The following IRAG1 variants were observed in gnomAD, a reference collection of about 807,000 sequenced individuals.
IRAG1 encodes IP3R-associated cGMP kinase substrate.
In IRAG1, 62 loss-of-function variants were observed where a neutral mutation model predicts 106.2. The observed-to-expected ratio is 0.58, with a 90% CI of 0.48 to 0.72. The LOEUF is 0.72. IRAG1 is among the 30% of genes least tolerant of loss of function. IRAG1 has a pLI of 0.00. For missense variants in IRAG1, 1,064 were observed against 1,140.7 expected, an observed-to-expected ratio of 0.93 and a Z score of 0.97; for synonymous variants, 462 against 443.9, an observed-to-expected ratio of 1.04 and a Z score of -0.51.
intron 18 of IRAG1, among the ~76,000 whole-genome samples, chr11:10,588,157 T>C (rs1452799208): frequency 6.6e-6 from 1 of 152,200 alleles, no homozygotes; most frequent in Non-Finnish European, 1.5e-5. Context: ...GTAATTACCA[T>C]TGTCATCAGT....
At chr11:10,661,047 C>A (rs1487529273) in intron 1 of IRAG1, among the ~76,000 whole-genome samples, 1 of 151,934 alleles carries the variant, frequency 6.6e-6, no homozygotes, top group African/African-American at 2.4e-5. Context: ...TTGGATCATC[C>A]TTCCCCTTCA....
chr11:10,621,538 A>G (rs1259425845), intron 10 of IRAG1, among the ~76,000 whole-genome samples: 1 of 152,132 alleles, frequency 6.6e-6, no homozygotes, highest in African/African-American at 2.4e-5. Context: ...CATCTCCCCA[A>G]CACGCTGGCC....
chr11:10,616,106 C>A (rs1405068092), intron 10 of IRAG1, among the ~76,000 whole-genome samples: 1 of 151,042 alleles, frequency 6.6e-6, no homozygotes, highest in African/African-American at 2.4e-5. Flanking sequence ...GACATCGAGA[C>A]CATCCTGGCT....
chr11:10,641,291 T>C (rs1857489289), intron 2 of IRAG1, among the ~76,000 whole-genome samples: 1 of 152,242 alleles, frequency 6.6e-6, no homozygotes, highest in African/African-American at 2.4e-5. Context: ...CCTTCGGGAT[T>C]GAATTAATGA....
At chr11:10,618,176 C>T (rs1855570571) in intron 10 of IRAG1, among the ~76,000 whole-genome samples, 1 of 151,984 alleles carries the variant, frequency 6.6e-6, no homozygotes. Flanking sequence ...CTAGAAGATG[C>T]CTACATGCTT....
chr11:10,625,200 T>C (rs928256233), intron 9 of IRAG1, among the ~76,000 whole-genome samples: 6 of 152,168 alleles, frequency 3.9e-5, no homozygotes, highest in African/African-American at 1.2e-4. Context: ...CATTTCCCTC[T>C]GTAGAGGAGC....
In IRAG1 at chr11:10,609,833, G is replaced by C. The variant is rs754216331; in HGVS notation, c.1466C>G (p.Ser489Cys). Reference protein sequence around the residue: ...EQEKGLPSELSPAIEEEESKS... With the variant: ...EQEKGLPSELCPAIEEEESKS... Reference sequence around the variant, plus strand: ...TGACTCTTCTTCCTCAATAGCTGGGGAGAGTTCAGAAGGAAGCCCTGAAAA... The same window carrying C: ...TGACTCTTCTTCCTCAATAGCTGGGCAGAGTTCAGAAGGAAGCCCTGAAAA... Residue 489 changes from serine to cysteine, a missense_variant, in exon 11 of 21, where the codon TCC becomes TGC. Coordinates refer to ENST00000423302, the MANE Select transcript of IRAG1 (RefSeq NM_130385.4). The C allele has an allele frequency of 7.7e-5, 125 of 1,613,820 alleles. No individual in the cohort carries two copies. The highest frequency in any genetic ancestry group is 9.8e-5 in the Non-Finnish European group (116 of 1,179,860).
Position 10,576,349 on chromosome 11 carries a change from G to A in IRAG1, c.2722C>T (p.Gln908Ter). The A allele has an allele frequency of 6.2e-7, 1 of 1,613,876 alleles. No homozygotes were observed. Among genetic ancestry groups the A allele is most frequent in the Non-Finnish European group, 8.5e-7 (1 of 1,179,858 alleles). The change falls in exon 21 of 21, where the codon CAG becomes TAG. Residue 908 changes from glutamine (Q) to a stop codon, truncating the protein, a stop_gained. Transcript: ENST00000423302. LOFTEE classifies it high-confidence loss of function. ...SWWSSGLQHE[Q>*]PTEQ ...GAGGTTTCCTACTGCTCTGTAGGCTGCTCATGCTGGAGTCCTGAGCTCCAC... is the reference window on the plus strand; with the variant it reads ...GAGGTTTCCTACTGCTCTGTAGGCTACTCATGCTGGAGTCCTGAGCTCCAC...
intron 1 of IRAG1, among the ~76,000 whole-genome samples, chr11:10,671,345 G>T (rs886985043): frequency 6.6e-6 from 1 of 152,136 alleles, no homozygotes; most frequent in East Asian, 1.9e-4. Context: ...CATTAGCAAT[G>T]AACAATCAAA....
chr11:10,639,507 C>T lies in IRAG1; in HGVS notation c.226-5436G>A, dbSNP rs80117010. On this transcript the variant is annotated intron_variant, in intron 2 of 20. Coordinates refer to ENST00000423302, the MANE Select transcript of IRAG1 (RefSeq NM_130385.4). ...CGGAACTGTTCAACAGAAAGAAAAC[C>T]AGCATAGAAGGAACTTCATTCTTTA... 1.4e-3 allele frequency among the ~76,000 whole-genome samples: 217 copies of T among 152,268 alleles called. 1 individual carries two copies. In the East Asian group the frequency reaches 0.029, roughly 20 times the overall value.
intron 10 of IRAG1, 80 bp downstream of exon 10, chr11:10,623,698 T>G: frequency 7.7e-7 from 1 of 1,293,448 alleles, no homozygotes; most frequent in Non-Finnish European, 1.1e-6. Context: ...GGAAGTCTTG[T>G]GTTTACACAT....
intron 13 of IRAG1, among the ~76,000 whole-genome samples, chr11:10,603,978 A>G (rs1329184795): frequency 6.6e-6 from 1 of 152,164 alleles, no homozygotes; most frequent in African/African-American, 2.4e-5. Flanking sequence ...TGTTACAGCA[A>G]TTCAAACTGA....
Position 10,657,337 on chromosome 11 carries a change from T to A in IRAG1, c.68-5155A>T, listed in dbSNP as rs1163354535. Among the ~76,000 whole-genome samples, 2 of 152,192 alleles carry A rather than the reference T, an allele frequency of 1.3e-5. No individual in the cohort carries two copies. Among genetic ancestry groups the A allele is most frequent in the Non-Finnish European group, 2.9e-5 (2 of 68,046 alleles). ...ACCGAATCTGGGTCTGATGCTCCCCTTCCTTGCAGGGCCAAGCCTGTTCTC... is the reference window on the plus strand; with the variant it reads ...ACCGAATCTGGGTCTGATGCTCCCCATCCTTGCAGGGCCAAGCCTGTTCTC... On this transcript the variant is annotated intron_variant, in intron 1 of 20. Transcript: ENST00000423302. The surrounding 1 kb of genome is among the most constrained non-coding windows in gnomAD (Gnocchi z 4.1).
chr11:10,586,853 G>A (rs1852061402), intron 18 of IRAG1, among the ~76,000 whole-genome samples: 1 of 152,196 alleles, frequency 6.6e-6, no homozygotes, highest in Non-Finnish European at 1.5e-5. Context: ...AATAGTGCCT[G>A]GCATACAGTA....
At chr11:10,607,772 C>A (rs1306112846) in intron 11 of IRAG1, among the ~76,000 whole-genome samples, 1 of 152,156 alleles carries the variant, frequency 6.6e-6, no homozygotes, top group African/African-American at 2.4e-5. Context: ...CTGGTTCTCA[C>A]CCCTAGGGAA....
At position 10,668,053 on chromosome 11, in the gene IRAG1, C is replaced by T. The variant is rs560200819; in HGVS notation, c.68-15871G>A. Reference sequence around the variant, plus strand: ...CTAATGCTCACTTTCCAGAATATTCCACGTGCTATCAAACCTCAGTGTCAC... The same window carrying T: ...CTAATGCTCACTTTCCAGAATATTCTACGTGCTATCAAACCTCAGTGTCAC... On this transcript the variant is annotated intron_variant, in intron 1 of 20. Transcript: ENST00000423302. 8.0e-4 allele frequency among the ~76,000 whole-genome samples: 122 copies of T among 152,272 alleles called. 1 individual carries two copies. Among genetic ancestry groups the T allele is most frequent in the African/African-American group, 2.7e-3 (114 of 41,552 alleles).
intron 1 of IRAG1, among the ~76,000 whole-genome samples, chr11:10,663,904 A>C (rs916640638): frequency 6.6e-6 from 1 of 152,168 alleles, no homozygotes; most frequent in Non-Finnish European, 1.5e-5. Flanking sequence ...TAGACAAGCA[A>C]AGTGACTCGC....
chr11:10,687,867 G>GA, intron 1 of IRAG1: 23 of 1,133,350 alleles, frequency 2.0e-5, no homozygotes, highest in Non-Finnish European at 2.6e-5. Context: ...ATTTAGCTTT[G>GA]CTTTTTTTTG....
intron 10 of IRAG1, among the ~76,000 whole-genome samples, chr11:10,622,876 G>GACACACACACACACACAC (rs10525799): frequency 0.032 from 4,551 of 141,398 alleles, 168 homozygotes; most frequent in African/African-American, 0.085. Flanking sequence ...GTAAGCAGTG[G>GACACACACACACACACAC]ACACACACAC....
Sources: gnomAD v4.1 joint callset for allele counts (sites outside exome capture counted in the v4.1 genomes callset) on GRCh38, gnomAD v4.1.1 for gene constraint, Gnocchi (gnomAD v3.1) non-coding constraint, MANE v1.5 for transcripts, NCBI Gene and HGNC (gene_info 2026-07-23, HGNC 2026-07-21) for gene names.